RGS22: variants seen among roughly 807,000 people sequenced by gnomAD.
RGS22 encodes the protein regulator of G-protein signaling 22.
A neutral mutation model predicts 172.9 loss-of-function variants in RGS22; 148 were observed. That is an observed-to-expected ratio of 0.86 (90% CI 0.75 to 0.98). The LOEUF is 0.98. RGS22 is among the 50% of genes least tolerant of loss of function. The pLI is 0.00. For synonymous variants in RGS22, 458 were observed against 480.2 expected (o/e 0.95, Z 0.60); for missense variants, 1,347 against 1,440.8 (o/e 0.93, Z 1.05).
At chr8:100,103,759 G>A (rs531120774) in intron 2 of RGS22, among the ~76,000 whole-genome samples, 1 of 152,252 alleles carries the variant, frequency 6.6e-6, no homozygotes, top group East Asian at 1.9e-4. Context: ...CAGAAAGGGG[G>A]AATAATAATG....
intron 4 of RGS22, among the ~76,000 whole-genome samples, chr8:100,078,261 T>C (rs927028958): frequency 4.6e-5 from 7 of 151,974 alleles, no homozygotes; most frequent in African/African-American, 1.4e-4. Flanking sequence ...TTTTTAGAAA[T>C]GAGGCCTCAC....
intron 23 of RGS22, among the ~76,000 whole-genome samples, chr8:99,973,085 C>G (rs192477054): frequency 4.6e-5 from 7 of 151,832 alleles, no homozygotes; most frequent in Admixed American, 4.6e-4. Context: ...ATTAGTTCAA[C>G]CATTGTGGAA....
Position 100,008,551 on chromosome 8 carries a change from C to A in RGS22, c.2185G>T (p.Val729Phe). 1.9e-6 allele frequency: 3 copies of A among 1,606,878 alleles called. No individual in the cohort carries two copies. Among genetic ancestry groups the A allele is most frequent in the Non-Finnish European group, 1.7e-6 (2 of 1,178,180 alleles). ...ATGTCAAGAGTGGCAGAAGGAGCAACGTATGTGGCAAAAAGATACTGAAGG... is the reference window on the plus strand; with the variant it reads ...ATGTCAAGAGTGGCAGAAGGAGCAAAGTATGTGGCAAAAAGATACTGAAGG... ...KQAQYLFATY[V>F]APSATLDIGL... The change falls in exon 15 of 28, where the codon GTT becomes TTT. Residue 729 changes from valine (V) to phenylalanine (F), a missense_variant. Coordinates refer to ENST00000360863, the MANE Select transcript of RGS22 (RefSeq NM_015668.5).
At chr8:99,974,973 C>T (rs1270159398) in intron 23 of RGS22, among the ~76,000 whole-genome samples, 1 of 151,858 alleles carries the variant, frequency 6.6e-6, no homozygotes, top group Non-Finnish European at 1.5e-5. Flanking sequence ...TGGTGAAACC[C>T]CACCTCTACA....
intron 14 of RGS22, among the ~76,000 whole-genome samples, chr8:100,011,972 T>A (rs1207013469): frequency 1.3e-5 from 2 of 151,708 alleles, no homozygotes; most frequent in Non-Finnish European, 2.9e-5. Context: ...GAAGAAATAG[T>A]AAAAGAACCT....
At chr8:99,987,164 T>G (rs987367172) in intron 21 of RGS22, among the ~76,000 whole-genome samples, 2 of 152,194 alleles carry the variant, frequency 1.3e-5, no homozygotes, top group Non-Finnish European at 2.9e-5. Context: ...TTAAGTATCA[T>G]GTTGGCACTC....
At chr8:100,025,106 T>C (rs529202228) in intron 14 of RGS22, among the ~76,000 whole-genome samples, 28 of 152,318 alleles carry the variant, frequency 1.8e-4, no homozygotes, top group South Asian at 4.1e-4. Flanking sequence ...ACTCTATGCA[T>C]AACTGGGGTA....
chr8:100,018,677 CAT>C (rs765200061), intron 14 of RGS22, among the ~76,000 whole-genome samples: 4 of 152,218 alleles, frequency 2.6e-5, no homozygotes, highest in African/African-American at 4.8e-5. Flanking sequence ...TATTAATACA[CAT>C]GAGATAGCTC....
intron 14 of RGS22, among the ~76,000 whole-genome samples, chr8:100,023,463 C>T (rs1817835430): frequency 6.6e-6 from 1 of 152,174 alleles, no homozygotes; most frequent in Non-Finnish European, 1.5e-5. Flanking sequence ...CACTCTGTTG[C>T]CAATGCCAGA....
intron 2 of RGS22, among the ~76,000 whole-genome samples, chr8:100,103,097 G>A (rs1813626676): frequency 6.6e-6 from 1 of 152,224 alleles, no homozygotes; most frequent in Admixed American, 6.5e-5. Flanking sequence ...ACAAGGTAAT[G>A]TTTTAAAAAA....
At position 100,051,700 on chromosome 8, in the gene RGS22, TAC is replaced by T. The variant is rs1478917959; in HGVS notation, c.1689+1100_1689+1101del. On this transcript the variant is annotated intron_variant, in intron 10 of 27. Coordinates refer to ENST00000360863, the MANE Select transcript of RGS22 (RefSeq NM_015668.5). ...GTTTATACATATATATATTTATATA[TAC>T]GTATATATAAATATATATTTATATA... Among the ~76,000 whole-genome samples the T allele has an allele frequency of 7.4e-3, 334 of 44,946 alleles. 107 individuals carry two copies. The highest frequency in any genetic ancestry group is 0.051 in the African/African-American group (309 of 6,078). The allele number at this position is 44,946 out of a possible 152,430, so 29.5% of individuals were successfully genotyped here.
intron 2 of RGS22, among the ~76,000 whole-genome samples, chr8:100,103,856 G>C (rs1022597483): frequency 1.3e-5 from 2 of 152,216 alleles, no homozygotes; most frequent in African/African-American, 4.8e-5. Flanking sequence ...TTCAAGGATG[G>C]GGCCAACACC....
At chr8:99,972,180 G>A (rs1385757207) in intron 23 of RGS22, among the ~76,000 whole-genome samples, 1 of 152,096 alleles carries the variant, frequency 6.6e-6, no homozygotes, top group African/African-American at 2.4e-5. Context: ...ATGGTGTTGG[G>A]AAAACTGGCT....
At chr8:99,966,959 C>T (rs764859740) in intron 23 of RGS22, among the ~76,000 whole-genome samples, 6 of 152,134 alleles carry the variant, frequency 3.9e-5, no homozygotes, top group Non-Finnish European at 8.8e-5. Flanking sequence ...GAACAGCTCC[C>T]GTCTGCAGCT....
At chr8:100,103,742 G>C (rs1813686772) in intron 2 of RGS22, among the ~76,000 whole-genome samples, 1 of 152,132 alleles carries the variant, frequency 6.6e-6, no homozygotes, top group Non-Finnish European at 1.5e-5. Flanking sequence ...AAAAGAAAAA[G>C]AGAAGCCAGA....
chr8:100,068,137 C>T (rs905618353), intron 6 of RGS22, among the ~76,000 whole-genome samples: 1 of 152,080 alleles, frequency 6.6e-6, no homozygotes, highest in Non-Finnish European at 1.5e-5. Context: ...GCCTATAATC[C>T]TAGCACTTTG....
At chr8:100,042,352 G>C (rs1223714324) in intron 11 of RGS22, among the ~76,000 whole-genome samples, 1 of 152,160 alleles carries the variant, frequency 6.6e-6, no homozygotes, top group African/African-American at 2.4e-5. Flanking sequence ...GGTAGGTATG[G>C]AAATCCTTGT....
intron 23 of RGS22, among the ~76,000 whole-genome samples, chr8:99,968,662 G>A (rs1811011149): frequency 6.6e-6 from 1 of 151,810 alleles, no homozygotes; most frequent in Admixed American, 6.6e-5. Flanking sequence ...ATGAAAACTC[G>A]TGAAGACAAG....
chr8:99,996,107 G>A (rs1373877218), intron 20 of RGS22, among the ~76,000 whole-genome samples: 2 of 124,710 alleles, frequency 1.6e-5, no homozygotes, highest in African/African-American at 6.1e-5. Flanking sequence ...ACTGGGGCCT[G>A]TTGGGGGGTG....
Sources: allele counts gnomAD v4.1 joint callset (sites outside exome capture counted in the v4.1 genomes callset), GRCh38; gene constraint gnomAD v4.1.1; transcripts MANE v1.5; gene names NCBI Gene and HGNC (gene_info 2026-07-23, HGNC 2026-07-21).